TRIM9: variants seen among roughly 807,000 people sequenced by gnomAD.
TRIM9 encodes the protein E3 ubiquitin-protein ligase TRIM9.
Under a neutral mutation model 78.3 loss-of-function variants are expected in TRIM9, and 26 were observed. The ratio of observed to expected loss-of-function variants is 0.33; its 90% CI spans 0.24 to 0.46. The LOEUF is 0.46. Among genes scored for constraint, TRIM9 ranks in the 20% least tolerant of loss-of-function variants. The pLI is 1.00. For missense variants in TRIM9, 787 were observed against 1,036.4 expected, an observed-to-expected ratio of 0.76 and a Z score of 3.30; for synonymous variants, 398 against 416.5, an observed-to-expected ratio of 0.96 and a Z score of 0.54.
At position 50,982,089 on chromosome 14, in the gene TRIM9, A is replaced by G. The variant is rs150514938; in HGVS notation, c.1873T>C (p.Phe625Leu). Residue 625 changes from phenylalanine to leucine, a missense_variant, in exon 11 of 13, where the codon TTC becomes CTC. Phe to Leu is a conservative substitution (Grantham distance 22, BLOSUM62 0). Coordinates refer to ENST00000684578, the MANE Select transcript of TRIM9 (RefSeq NM_001387360.1). ...TCCGAGTGCGCCGAGCCAGGGTCGAAAGCAAACCAGGCCACTGGGAACAAC... is the reference window on the plus strand; with the variant it reads ...TCCGAGTGCGCCGAGCCAGGGTCGAGAGCAAACCAGGCCACTGGGAACAAC... ...KKLLAVAWFA[F>L]DPGSAHSDII... 5.6e-6 allele frequency: 9 copies of G among 1,613,832 alleles called. No individual in the cohort carries two copies. The highest frequency in any genetic ancestry group is 7.6e-6 in the Non-Finnish European group (9 of 1,179,830).
rs140178821 is a variant in TRIM9 at position 51,086,660 on chromosome 14, G to C, written c.822+7458C>G. 3.7e-4 allele frequency among the ~76,000 whole-genome samples: 56 copies of C among 152,292 alleles called. 1 individual carries two copies. In the East Asian group the frequency reaches 0.01, roughly 28 times the overall value. On this transcript the variant is annotated intron_variant, in intron 1 of 12. Transcript: ENST00000684578. ...TCACAGAAGCAATTATAATACAGTG[G>C]GAGGATGCTCAGGGTTAGAATACAG...
At chr14:51,034,509 G>A (rs771212169) in intron 1 of TRIM9, among the ~76,000 whole-genome samples, 2 of 152,108 alleles carry the variant, frequency 1.3e-5, no homozygotes, top group Non-Finnish European at 2.9e-5. Context: ...CCTTCAGCAG[G>A]AGTGTGCATT....
intron 7 of TRIM9, among the ~76,000 whole-genome samples, chr14:50,990,831 A>C (rs2053415557): frequency 6.6e-6 from 1 of 152,252 alleles, no homozygotes; most frequent in African/African-American, 2.4e-5. Context: ...ACTCAATTAT[A>C]AACCAGCTGT....
intron 5 of TRIM9, among the ~76,000 whole-genome samples, chr14:51,007,820 A>C (rs1264890108): frequency 6.6e-6 from 1 of 150,626 alleles, no homozygotes; most frequent in Non-Finnish European, 1.5e-5. Flanking sequence ...AAAAAAAAGG[A>C]CAAAATAAGA....
At chr14:50,992,972 T>A (rs557299781) in intron 7 of TRIM9, among the ~76,000 whole-genome samples, 17 of 152,320 alleles carry the variant, frequency 1.1e-4, no homozygotes, top group South Asian at 8.3e-4. Flanking sequence ...ACTGACTACC[T>A]TCTCCCCATT....
In TRIM9 at chr14:50,979,412, G is replaced by A. The variant is rs772218198; in HGVS notation, c.2300C>T (p.Ala767Val). Residue 767 changes from alanine to valine, a missense_variant, in exon 12 of 13, where the codon GCG becomes GTG. By Grantham distance (64) the Ala-to-Val change is moderately conservative (BLOSUM62 0). Coordinates refer to ENST00000684578, the MANE Select transcript of TRIM9 (RefSeq NM_001387360.1). ...CTGCACGTTCCTGTTCAGGCTGACC[G>A]CAGGGAAGAAGAGGCCCTCCACGTT... is the stretch of plus-strand genomic sequence containing the variant. ...FDNVEGLFFP[A>V]VSLNRNVQVT... The A allele has an allele frequency of 5.6e-6, 9 of 1,614,148 alleles. No individual in the cohort carries two copies. Among genetic ancestry groups the A allele is most frequent in the Non-Finnish European group, 5.9e-6 (7 of 1,180,032 alleles).
At chr14:51,061,177 C>A (rs1316062422) in intron 1 of TRIM9, among the ~76,000 whole-genome samples, 1 of 152,012 alleles carries the variant, frequency 6.6e-6, no homozygotes, top group African/African-American at 2.4e-5. Context: ...CTTTGGGAGG[C>A]CGCAGCAGGT....
intron 5 of TRIM9, among the ~76,000 whole-genome samples, chr14:51,004,807 C>A (rs2055544144): frequency 6.6e-6 from 1 of 152,212 alleles, no homozygotes; most frequent in Non-Finnish European, 1.5e-5. Flanking sequence ...TTGCATCATA[C>A]TGCCCCTCTC....
rs181260075 is a variant in TRIM9, at chr14:51,031,651, C to A, written c.823-6291G>T. Among the ~76,000 whole-genome samples the A allele has an allele frequency of 7.9e-5, 12 of 152,288 alleles. No homozygotes were observed. In the East Asian group the frequency reaches 2.3e-3, roughly 29 times the overall value. ...GTTCAGTTCATGATGTACTCTTTTC[C>A]CTGTTGCAATTGTATACTGATTAAA... is the stretch of plus-strand genomic sequence containing the variant. On this transcript the variant is annotated intron_variant, in intron 1 of 12. Transcript: ENST00000684578.
At chr14:51,065,308 G>A (rs2061648129) in intron 1 of TRIM9, among the ~76,000 whole-genome samples, 1 of 152,184 alleles carries the variant, frequency 6.6e-6, no homozygotes. Flanking sequence ...AACTGGTGTT[G>A]AGTACATTTT....
At chr14:51,023,045 G>T in intron 2 of TRIM9, 88 bp from the exon 3 acceptor site, 1 of 1,537,694 alleles carries the variant, frequency 6.5e-7, no homozygotes, top group Non-Finnish European at 8.8e-7. Context: ...CTGCTGAAGG[G>T]AATGAAAAGG....
At chr14:50,979,049 C>A in intron 12 of TRIM9, 1 of 1,308,768 alleles carries the variant, frequency 7.6e-7, no homozygotes, top group Non-Finnish European at 9.7e-7. Flanking sequence ...TTTGTTAAGT[C>A]ATTCTATTTG....
intron 1 of TRIM9, among the ~76,000 whole-genome samples, chr14:51,054,589 G>GT (rs935577981): frequency 5.2e-4 from 76 of 147,048 alleles, no homozygotes; most frequent in East Asian, 1.8e-3. Flanking sequence ...GCTCTTTTTT[G>GT]TTTTTTTTTT....
intron 1 of TRIM9, among the ~76,000 whole-genome samples, chr14:51,053,861 A>T (rs941289463): frequency 6.6e-6 from 1 of 152,092 alleles, no homozygotes; most frequent in Non-Finnish European, 1.5e-5. Flanking sequence ...TTATTGCCCA[A>T]AGTAAAGACT....
intron 1 of TRIM9, among the ~76,000 whole-genome samples, chr14:51,057,596 A>G (rs2060992987): frequency 6.6e-6 from 1 of 152,204 alleles, no homozygotes; most frequent in East Asian, 1.9e-4. Context: ...CTTGCCAACT[A>G]TTTATGGTCC....
chr14:51,032,383 G>A (rs1475214700), intron 1 of TRIM9, among the ~76,000 whole-genome samples: 2 of 152,236 alleles, frequency 1.3e-5, no homozygotes, highest in Non-Finnish European at 2.9e-5. Flanking sequence ...TCTCCCAGCT[G>A]CAGGGAATAT....
intron 1 of TRIM9, among the ~76,000 whole-genome samples, chr14:51,056,450 C>A (rs1476839575): frequency 6.6e-6 from 1 of 152,076 alleles, no homozygotes; most frequent in Non-Finnish European, 1.5e-5. Flanking sequence ...ATGAAATAAT[C>A]CCCAGTGGCA....
intron 3 of TRIM9, among the ~76,000 whole-genome samples, chr14:51,015,194 T>C (rs8019419): frequency 0.4 from 61,179 of 152,066 alleles, 12,703 homozygotes; most frequent in South Asian, 0.64. Context: ...CTGTTGTGTC[T>C]CTTTGAATTC....
At position 51,032,601 on chromosome 14, in the gene TRIM9, C is replaced by T. The variant is rs188969019; in HGVS notation, c.823-7241G>A. 7.3e-4 allele frequency among the ~76,000 whole-genome samples: 111 copies of T among 152,336 alleles called. 3 individuals are homozygous for T. The South Asian group carries it at 0.02, about 28-fold the overall frequency. ...GGCCATTGCAGGTTAGCTTCAGCCTCAGTTCAATCCTGGCTTCCTCACTTC... is the reference window on the plus strand; with the variant it reads ...GGCCATTGCAGGTTAGCTTCAGCCTTAGTTCAATCCTGGCTTCCTCACTTC... On this transcript the variant is annotated intron_variant, in intron 1 of 12. Coordinates refer to ENST00000684578, the MANE Select transcript of TRIM9 (RefSeq NM_001387360.1).
Sources: allele counts gnomAD v4.1 joint callset (sites outside exome capture counted in the v4.1 genomes callset), GRCh38; gene constraint gnomAD v4.1.1; transcripts MANE v1.5; gene names NCBI Gene and HGNC (gene_info 2026-07-23, HGNC 2026-07-21).